PFDN1: variants seen among roughly 807,000 people sequenced by gnomAD.
PFDN1 encodes the protein prefoldin 1.
In PFDN1, 6 loss-of-function variants were observed where a neutral mutation model predicts 17.3. The ratio of observed to expected loss-of-function variants is 0.35; its 90% CI spans 0.19 to 0.69. The LOEUF (loss-of-function observed/expected upper bound fraction) is 0.69. PFDN1 is among the 30% of genes least tolerant of loss of function. The pLI is 0.65. For missense variants in PFDN1, 113 were observed against 146.2 expected, an observed-to-expected ratio of 0.77 and a Z score of 1.17; for synonymous variants, 58 against 50.1, an observed-to-expected ratio of 1.16 and a Z score of -0.67.
Position 140,257,529 on chromosome 5 carries a change from A to G in PFDN1, c.286-11472T>C, listed in dbSNP as rs181915259. 7.0e-4 allele frequency among the ~76,000 whole-genome samples: 106 copies of G among 152,310 alleles called. 1 individual carries two copies. The highest frequency in any genetic ancestry group is 1.8e-3 in the Admixed American group (28 of 15,302). The stretch of plus-strand genomic sequence containing the variant: ...TTAGCTGAAATTTCACTTTTTCAGA[A>G]AGCCCTTCCCCAATTATTCAACTAA... On this transcript the variant is annotated intron_variant, in intron 3 of 3. Transcript: ENST00000261813.
At chr5:140,296,937 C>T (rs1346388859) in intron 2 of PFDN1, among the ~76,000 whole-genome samples, 1 of 152,142 alleles carries the variant, frequency 6.6e-6, no homozygotes, top group African/African-American at 2.4e-5. Context: ...ACCATGAATG[C>T]AAGGCCAACA....
At position 140,254,181 on chromosome 5, in the gene PFDN1, G is replaced by A. The variant is rs992173459; in HGVS notation, c.286-8124C>T. 1.3e-5 allele frequency among the ~76,000 whole-genome samples: 2 copies of A among 152,204 alleles called. No homozygotes were observed. The highest frequency in any genetic ancestry group is 1.9e-4 in the East Asian group (1 of 5,196). ...GGGTGTGGTGCAGATGAATGGGCACGGCTATGTTTCGAAAGCACAGAAACA... is the reference window on the plus strand; with the variant it reads ...GGGTGTGGTGCAGATGAATGGGCACAGCTATGTTTCGAAAGCACAGAAACA... On this transcript the variant is annotated intron_variant, in intron 3 of 3. Coordinates refer to ENST00000261813, the MANE Select transcript of PFDN1 (RefSeq NM_002622.5). The surrounding 1 kb of genome is among the most constrained non-coding windows in gnomAD (Gnocchi z 4.4).
intron 3 of PFDN1, among the ~76,000 whole-genome samples, chr5:140,277,029 G>A (rs1765306785): frequency 6.6e-6 from 1 of 151,738 alleles, no homozygotes; most frequent in South Asian, 2.1e-4. Flanking sequence ...AGACCAGGCT[G>A]GCCAAAATGT....
chr5:140,255,346 G>A (rs1353159713), intron 3 of PFDN1, among the ~76,000 whole-genome samples: 9 of 152,346 alleles, frequency 5.9e-5, no homozygotes, highest in Middle Eastern at 3.4e-3. Flanking sequence ...GAAGGCTGAG[G>A]TGGGAGGATC....
intron 3 of PFDN1, among the ~76,000 whole-genome samples, chr5:140,251,988 GT>G (rs974876720): frequency 7.0e-5 from 10 of 143,802 alleles, no homozygotes; most frequent in African/African-American, 1.0e-4. Flanking sequence ...CTCTAAATTA[GT>G]TTTTTTTTTC....
At chr5:140,280,014 C>CCAAAAAAAAAAAAAAAAAAAAAAAA (rs1335205089) in intron 3 of PFDN1, among the ~76,000 whole-genome samples, 47 of 99,108 alleles carry the variant, frequency 4.7e-4, no homozygotes, top group Middle Eastern at 5.9e-3. Flanking sequence ...AAAAAAAAAA[C>CCAAAAAAAAAAAAAAAAAAAAAAAA]AAAAAAAGAA....
chr5:140,295,085 CTT>C (rs1040989782), intron 2 of PFDN1, among the ~76,000 whole-genome samples: 3 of 151,992 alleles, frequency 2.0e-5, no homozygotes, highest in Non-Finnish European at 4.4e-5. Flanking sequence ...TAATTTGTCT[CTT>C]TTGGAAAAAA....
At chr5:140,253,224 A>T (rs1210313886) in intron 3 of PFDN1, among the ~76,000 whole-genome samples, 1 of 152,120 alleles carries the variant, frequency 6.6e-6, no homozygotes, top group Non-Finnish European at 1.5e-5. Context: ...GGGACAAAAG[A>T]CTTGCTTCAG....
chr5:140,256,842 G>A (rs766611545), intron 3 of PFDN1, among the ~76,000 whole-genome samples: 2 of 151,630 alleles, frequency 1.3e-5, no homozygotes, highest in Admixed American at 6.6e-5. Context: ...CACTGCCCTC[G>A]TCCTAGTCCA....
intron 3 of PFDN1, among the ~76,000 whole-genome samples, chr5:140,249,068 C>T (rs1408264971): frequency 6.6e-6 from 1 of 152,212 alleles, no homozygotes; most frequent in Admixed American, 6.5e-5. Context: ...AACTGTATTT[C>T]AATAATTCCT....
Position 140,254,649 on chromosome 5 carries a change from G to A in PFDN1, c.286-8592C>T, listed in dbSNP as rs1764961781. On this transcript the variant is annotated intron_variant, in intron 3 of 3. Transcript: ENST00000261813. This position sits in a 1 kb window ranked among gnomAD's most constrained non-coding sequence, Gnocchi z 4.4. ...TACAGTTATCCCACCTCAGCCACCT[G>A]GTCCATGGTCATGCCCTAGGTCTTG... is the stretch of plus-strand genomic sequence containing the variant. Among the ~76,000 whole-genome samples the A allele has an allele frequency of 6.6e-6, 1 of 152,106 alleles. No homozygotes were observed. Among genetic ancestry groups the A allele is most frequent in the Non-Finnish European group, 1.5e-5 (1 of 68,032 alleles).
intron 3 of PFDN1, among the ~76,000 whole-genome samples, chr5:140,271,604 G>A (rs1358473171): frequency 6.6e-6 from 1 of 152,138 alleles, no homozygotes; most frequent in Non-Finnish European, 1.5e-5. Flanking sequence ...TTCCCAGGAT[G>A]CAAGCTCTCC....
At chr5:140,271,943 A>ATATATACATAATATATATATT (rs1404235036) in intron 3 of PFDN1, among the ~76,000 whole-genome samples, 1 of 148,786 alleles carries the variant, frequency 6.7e-6, no homozygotes, top group Non-Finnish European at 1.5e-5. Flanking sequence ...CATAAAATAC[A>ATATATACATAATATATATATT]TATATACATA....
chr5:140,255,968 G>A (rs1373052268), intron 3 of PFDN1, among the ~76,000 whole-genome samples: 1 of 152,030 alleles, frequency 6.6e-6, no homozygotes, highest in East Asian at 1.9e-4. Flanking sequence ...TGTGATTCAA[G>A]TCCAATGATC....
At chr5:140,255,837 C>T (rs916276302) in intron 3 of PFDN1, among the ~76,000 whole-genome samples, 1 of 152,182 alleles carries the variant, frequency 6.6e-6, no homozygotes, top group African/African-American at 2.4e-5. Context: ...CCTGAAAGTA[C>T]TGCCTTTTTT....
chr5:140,261,176 A>G (rs1765060025), intron 3 of PFDN1, among the ~76,000 whole-genome samples: 1 of 151,796 alleles, frequency 6.6e-6, no homozygotes, highest in South Asian at 2.1e-4. Flanking sequence ...AAAAAAAAAA[A>G]AAAAAGAAAG....
At chr5:140,280,014 C>A (rs1963882) in intron 3 of PFDN1, among the ~76,000 whole-genome samples, 54,053 of 97,740 alleles carry the variant, frequency 0.55, 16,213 homozygotes, top group South Asian at 0.76. Context: ...AAAAAAAAAA[C>A]AAAAAAAGAA....
intron 3 of PFDN1, among the ~76,000 whole-genome samples, chr5:140,279,982 C>A (rs868680451): frequency 2.2e-4 from 12 of 53,952 alleles, no homozygotes; most frequent in Non-Finnish European, 3.1e-4. Context: ...GCAACAAGAG[C>A]GAAACTCCGT....
intron 3 of PFDN1, among the ~76,000 whole-genome samples, chr5:140,246,697 T>C (rs994711808): frequency 6.6e-6 from 1 of 152,168 alleles, no homozygotes; most frequent in African/African-American, 2.4e-5. Context: ...AAATTAAAAA[T>C]CTCGGCTTAG....
Sources: allele counts gnomAD v4.1 joint callset (sites outside exome capture counted in the v4.1 genomes callset), GRCh38; gene constraint gnomAD v4.1.1; non-coding constraint Gnocchi (gnomAD v3.1); transcripts MANE v1.5; gene names NCBI Gene and HGNC (gene_info 2026-07-23, HGNC 2026-07-21).